OSGEPL1: variants seen among roughly 807,000 people sequenced by gnomAD.
The protein encoded by OSGEPL1 is tRNA N6-adenosine threonylcarbamoyltransferase, mitochondrial.
A neutral mutation model predicts 37.2 loss-of-function variants in OSGEPL1; 26 were observed. The ratio of observed to expected loss-of-function variants is 0.70; its 90% CI spans 0.51 to 0.97. The LOEUF is 0.97. Ranked by LOEUF, OSGEPL1 falls within the 50% of genes least tolerant of loss-of-function variation. The probability of loss-of-function intolerance (pLI) is 0.00; values close to 1 mark genes in which losing one functional copy is unlikely to be tolerated. For synonymous variants in OSGEPL1, 140 were observed against 159.9 expected (o/e 0.88, Z 0.94); for missense variants, 404 against 487.0 (o/e 0.83, Z 1.60).
At position 189,747,097 on chromosome 2, in the gene OSGEPL1, A is replaced by C. The variant is rs916331091; in HGVS notation, c.*100T>G. 6.5e-6 allele frequency: 1 copy of C among 153,468 alleles called. No homozygotes were observed. Among genetic ancestry groups the C allele is most frequent in the Admixed American group, 6.5e-5 (1 of 15,296 alleles). The allele number at this position is 153,468 out of a possible 1,614,324, so 9.5% of individuals were successfully genotyped here. ...ACACCCATAATCCCAGCACTTCTGG[A>C]GGCCAAGGTGGGAGGATCACTTGAA... On this transcript the variant is annotated 3_prime_UTR_variant, in exon 9 of 9. Transcript: ENST00000264151.
At position 189,755,199 on chromosome 2, in the gene OSGEPL1, T is replaced by C. The variant is rs778969996; in HGVS notation, c.583A>G (p.Ile195Val). Residue 195 changes from isoleucine to valine, a missense_variant, in exon 3 of 9, where the codon ATA (isoleucine) becomes GTA (valine). Ile to Val is a conservative substitution (Grantham distance 29). Coordinates refer to ENST00000264151, the MANE Select transcript of OSGEPL1 (RefSeq NM_022353.3). Reference protein sequence around the residue: ...DFLLLGKSLDIAPGDMLDKVA... With the variant: ...DFLLLGKSLDVAPGDMLDKVA... ...TTGTCAAGCATGTCACCTGGTGCTATGTCCAAAGACTTTCCAAGAAGCAGA... is the reference window on the plus strand; with the variant it reads ...TTGTCAAGCATGTCACCTGGTGCTACGTCCAAAGACTTTCCAAGAAGCAGA... 10 of 1,609,334 alleles carry C rather than the reference T, an allele frequency of 6.2e-6. No homozygotes were observed. The Admixed American group carries it at 1.4e-4, about 22-fold the overall frequency.
In OSGEPL1 at chr2:189,750,668, G is replaced by A; in HGVS notation, c.1167-12C>T. 1 of 1,559,794 alleles carries A rather than the reference G, an allele frequency of 6.4e-7. No homozygotes were observed. Among genetic ancestry groups the A allele is most frequent in the Non-Finnish European group, 8.7e-7 (1 of 1,154,578 alleles). ...CTCCAAGAGGACATCTACATCATAA[G>A]CAGACAAATCGTATTATTTATTTGC... is the stretch of plus-strand genomic sequence containing the variant. On this transcript the variant is annotated splice_polypyrimidine_tract_variant and intron_variant, in intron 7 of 8. Transcript: ENST00000264151.
At chr2:189,750,358 T>G (rs1161651455) in intron 8 of OSGEPL1, among the ~76,000 whole-genome samples, 192 bp downstream of exon 8, 2 of 152,186 alleles carry the variant, frequency 1.3e-5, no homozygotes, top group African/African-American at 4.8e-5. Context: ...TGTTTTATTT[T>G]GGTTTTTAAT....
In OSGEPL1 at chr2:189,761,215, A is replaced by G. The variant is rs115413443; in HGVS notation, c.221+205T>C. The G allele has an allele frequency of 8.5e-4, 337 of 394,724 alleles. 1 individual carries two copies. The highest frequency in any genetic ancestry group is 6.2e-3 in the African/African-American group (302 of 48,352). 24.5% of individuals were successfully genotyped at this position (394,724 alleles called of 1,614,324 possible). ...GGAATGAGCTCAGTTTCTTTTGGCA[A>G]CAGGATTAGTTAAGGTTGGGACCTT... is the stretch of plus-strand genomic sequence containing the variant. On this transcript the variant is annotated intron_variant, in intron 2 of 8. Coordinates refer to ENST00000264151, the MANE Select transcript of OSGEPL1 (RefSeq NM_022353.3).
At position 189,752,636 on chromosome 2, in the gene OSGEPL1, T is replaced by C. The variant is rs1256593588; in HGVS notation, c.1166+17A>G. On this transcript the variant is annotated intron_variant, in intron 7 of 8. Transcript: ENST00000264151. Reference sequence around the variant, plus strand: ...AGTAATGTAACTTGCATAAAGATCATGAATGATACCACATACTTTGGTTCA... The same window carrying C: ...AGTAATGTAACTTGCATAAAGATCACGAATGATACCACATACTTTGGTTCA... 1.1e-5 allele frequency: 17 copies of C among 1,612,962 alleles called. No individual in the cohort carries two copies. Among genetic ancestry groups the C allele is most frequent in the Non-Finnish European group, 1.4e-5 (16 of 1,179,506 alleles).
chr2:189,759,911 T>G (rs558481902), intron 2 of OSGEPL1, among the ~76,000 whole-genome samples: 1 of 152,156 alleles, frequency 6.6e-6, no homozygotes, highest in Non-Finnish European at 1.5e-5. Flanking sequence ...TGCGGCCTTC[T>G]GCAGTGTTTA....
intron 2 of OSGEPL1, among the ~76,000 whole-genome samples, chr2:189,756,721 C>T (rs1412333568): frequency 6.6e-6 from 1 of 152,088 alleles, no homozygotes; most frequent in Non-Finnish European, 1.5e-5. Context: ...TTAAGTTTAT[C>T]ACCACTCCCA....
chr2:189,755,973 G>A (rs986164489), intron 2 of OSGEPL1, among the ~76,000 whole-genome samples: 1 of 152,268 alleles, frequency 6.6e-6, no homozygotes, highest in East Asian at 1.9e-4. Context: ...TAAACTGGGC[G>A]ATTGTGGGAA....
In OSGEPL1 at chr2:189,754,359, A is replaced by G. The variant is rs2045739968; in HGVS notation, c.610-14T>C. The stretch of plus-strand genomic sequence containing the variant: ...TCTTCTTGCCACCTATCAAAGAAAC[A>G]TATTTTTTAGAGTCATAAAATTAAA... On this transcript the variant is annotated splice_polypyrimidine_tract_variant and intron_variant, in intron 3 of 8. Coordinates refer to ENST00000264151, the MANE Select transcript of OSGEPL1 (RefSeq NM_022353.3). 1.3e-6 allele frequency: 2 copies of G among 1,581,422 alleles called. No individual in the cohort carries two copies. Among genetic ancestry groups the G allele is most frequent in the Admixed American group, 1.9e-5 (1 of 53,938 alleles).
chr2:189,762,940 G>C, upstream of OSGEPL1: 1 of 985,390 alleles, frequency 1.0e-6, no homozygotes, highest in Non-Finnish European at 1.2e-6. Flanking sequence ...CAGGTGATGA[G>C]AGTTCTGTAA....
At chr2:189,757,077 AT>A (rs1170570638) in intron 2 of OSGEPL1, among the ~76,000 whole-genome samples, 1 of 152,206 alleles carries the variant, frequency 6.6e-6, no homozygotes, top group Non-Finnish European at 1.5e-5. Context: ...ATAACAATGT[AT>A]TTTTGTCTAT....
At chr2:189,758,198 A>G (rs140433320) in intron 2 of OSGEPL1, among the ~76,000 whole-genome samples, 1,577 of 152,234 alleles carry the variant, frequency 0.01, 35 homozygotes, top group African/African-American at 0.036. Context: ...CCTGACCAAC[A>G]TGGAGAAACC....
chr2:189,755,562 TGAAA>T lies in OSGEPL1; in HGVS notation c.222-6_222-3del, dbSNP rs774331405. On this transcript the variant is annotated splice_polypyrimidine_tract_variant and splice_region_variant and intron_variant, in intron 2 of 8. Transcript: ENST00000264151. ...GCTGGAGGAACAATCCCACCTGTTCTGAAAGAAAGAAAGACAGCATTTTGTAGTT... is the reference window on the plus strand; with the variant it reads ...GCTGGAGGAACAATCCCACCTGTTCTGAAAGAAAGACAGCATTTTGTAGTT... 18 of 1,576,192 alleles carry T rather than the reference TGAAA, an allele frequency of 1.1e-5. No individual in the cohort carries two copies. The highest frequency in any genetic ancestry group is 2.8e-5 in the African/African-American group (2 of 72,322).
intron 5 of OSGEPL1, among the ~76,000 whole-genome samples, chr2:189,753,403 G>A (rs1472064264): frequency 2.0e-5 from 3 of 152,028 alleles, no homozygotes; most frequent in Non-Finnish European, 4.4e-5. Context: ...AATGAATAAA[G>A]TTTAAGATAC....
At chr2:189,760,429 C>A (rs1165270464) in intron 2 of OSGEPL1, among the ~76,000 whole-genome samples, 1 of 152,166 alleles carries the variant, frequency 6.6e-6, no homozygotes, top group Non-Finnish European at 1.5e-5. Context: ...GGGCGCCCCC[C>A]ACCTCCCAAG....
At chr2:189,747,928 C>T (rs140975685) in intron 8 of OSGEPL1, among the ~76,000 whole-genome samples, 2,434 of 152,120 alleles carry the variant, frequency 0.016, 60 homozygotes, top group African/African-American at 0.056. Flanking sequence ...TCAGGTGATC[C>T]GCCTACCTTG....
At chr2:189,755,692 GCCTT>G in intron 2 of OSGEPL1, 132 bp from the exon 3 acceptor site, 4 of 948,164 alleles carry the variant, frequency 4.2e-6, no homozygotes, top group Non-Finnish European at 6.0e-6. Flanking sequence ...CTAATTGTGT[GCCTT>G]CTAACATAGC....
Position 189,750,608 on chromosome 2 carries a change from T to G in OSGEPL1, c.1215A>C (p.Ile405=), listed in dbSNP as rs192789340. The G allele has an allele frequency of 1.9e-6, 3 of 1,592,686 alleles. No individual in the cohort carries two copies. The highest frequency in any genetic ancestry group is 1.1e-5 in the South Asian group (1 of 87,508). ...DISKEVGEAS[I]KVPQLKMEI ...TCTCCATTTTTAATTGTGGTACTTT[T>G]ATGGAAGCTTCTCCAACTTCTTTTG... The change falls in exon 8 of 9, where the codon ATA becomes ATC. Residue 405 remains isoleucine (I), a synonymous_variant. Coordinates refer to ENST00000264151, the MANE Select transcript of OSGEPL1 (RefSeq NM_022353.3).
chr2:189,758,024 T>C (rs773766579), intron 2 of OSGEPL1, among the ~76,000 whole-genome samples: 16 of 152,208 alleles, frequency 1.1e-4, no homozygotes, highest in Admixed American at 3.3e-4. Context: ...GACTACATCA[T>C]GGGGGCGTAT....
Sources: allele counts gnomAD v4.1 joint callset (sites outside exome capture counted in the v4.1 genomes callset), GRCh38; gene constraint gnomAD v4.1.1; transcripts MANE v1.5; gene names NCBI Gene and HGNC (gene_info 2026-07-23, HGNC 2026-07-21).